Variants in DIP2B observed in about 807,000 individuals in gnomAD.
DIP2B encodes disco-interacting protein 2 homolog B.
A neutral mutation model predicts 198.0 loss-of-function variants in DIP2B; 76 were observed. That is an observed-to-expected ratio of 0.38 (90% confidence interval 0.32 to 0.46). DIP2B has a LOEUF of 0.46. DIP2B is among the 20% of genes least tolerant of loss of function. The pLI, the probability that DIP2B is intolerant of heterozygous loss-of-function variation, is 0.99. For missense variants in DIP2B, 1,559 were observed against 1,978.4 expected (o/e 0.79, Z 4.02); for synonymous variants, 701 against 739.1 (o/e 0.95, Z 0.84).
At chr12:50,577,007 C>T (rs1380586176) in intron 1 of DIP2B, among the ~76,000 whole-genome samples, 2 of 151,622 alleles carry the variant, frequency 1.3e-5, no homozygotes, top group African/African-American at 4.8e-5. Context: ...GGGATTACCA[C>T]GCCTAATTTT....
chr12:50,674,530 T>G lies in DIP2B; in HGVS notation c.697T>G (p.Ser233Ala), dbSNP rs1309685813. The G allele has an allele frequency of 1.2e-6, 2 of 1,614,226 alleles. No homozygotes were observed. Among genetic ancestry groups the G allele is most frequent in the Non-Finnish European group, 1.7e-6 (2 of 1,180,030 alleles). ...AACTACCTCTTCCTCCTCATCATCT[T>G]CCTCAATTCGCCCAGCAAACATTGA... ...TTTTSSSSSS[S>A]SIRPANIDLP... The change falls in exon 6 of 38, where the codon TCC (serine) becomes GCC (alanine). Residue 233 changes from serine (S) to alanine (A), a missense_variant. By Grantham distance (99) the Ser-to-Ala change is moderately conservative. Transcript: ENST00000301180.
At chr12:50,641,394 C>T (rs1938254910) in intron 3 of DIP2B, among the ~76,000 whole-genome samples, 1 of 152,072 alleles carries the variant, frequency 6.6e-6, no homozygotes, top group Non-Finnish European at 1.5e-5. Flanking sequence ...AGGAATGTAA[C>T]AGTTTAAGAA....
chr12:50,654,078 T>C (rs1192683313), intron 3 of DIP2B, among the ~76,000 whole-genome samples: 1 of 152,078 alleles, frequency 6.6e-6, no homozygotes, highest in East Asian at 1.9e-4. Context: ...TTTACCTTGT[T>C]GGCCAGGCTG....
At chr12:50,522,123 G>A (rs904343647) in intron 1 of DIP2B, among the ~76,000 whole-genome samples, 5 of 151,590 alleles carry the variant, frequency 3.3e-5, no homozygotes, top group Admixed American at 6.6e-5. Flanking sequence ...GCCTCAGCCC[G>A]CTGAGTAGCT....
At position 50,746,536 on chromosome 12, in the gene DIP2B, CCCTTCATGTAAT is replaced by C. The variant is rs1429637675; in HGVS notation, c.*1701_*1712del. 1 of 152,178 alleles carries C rather than the reference CCCTTCATGTAAT, an allele frequency of 6.6e-6. No individual in the cohort carries two copies. Among genetic ancestry groups the C allele is most frequent in the African/African-American group, 2.4e-5 (1 of 41,436 alleles). The allele number at this position is 152,178 out of a possible 1,614,324, so 9.4% of individuals were successfully genotyped here. ...TGTGACTAAAAGCCACTTTGTGACT[CCCTTCATGTAAT>C]CCTCTTTTCCTCCCCACTCCTCCAC... On this transcript the variant is annotated 3_prime_UTR_variant, in exon 38 of 38. Transcript: ENST00000301180.
chr12:50,663,693 G>A (rs553604736), intron 4 of DIP2B, among the ~76,000 whole-genome samples: 1 of 151,036 alleles, frequency 6.6e-6, no homozygotes, highest in African/African-American at 2.4e-5. Context: ...AATATAGCGA[G>A]ACCCCATCTC....
At chr12:50,535,972 G>C (rs1287573322) in intron 1 of DIP2B, among the ~76,000 whole-genome samples, 3 of 150,230 alleles carry the variant, frequency 2.0e-5, no homozygotes, top group Non-Finnish European at 4.4e-5. Context: ...TCTTGCGATA[G>C]TTTACTGAGA....
At chr12:50,596,832 A>T (rs1230618216) in intron 1 of DIP2B, among the ~76,000 whole-genome samples, 1 of 152,250 alleles carries the variant, frequency 6.6e-6, no homozygotes, top group Non-Finnish European at 1.5e-5. Flanking sequence ...AATCTTATTT[A>T]CGTGTTTTTA....
At chr12:50,563,430 G>T (rs945404457) in intron 1 of DIP2B, among the ~76,000 whole-genome samples, 1 of 149,574 alleles carries the variant, frequency 6.7e-6, no homozygotes, top group African/African-American at 2.5e-5. Context: ...CAAGCAATCT[G>T]CCTGCCTTGG....
chr12:50,600,263 C>A (rs1468040543), intron 1 of DIP2B, among the ~76,000 whole-genome samples: 1 of 152,202 alleles, frequency 6.6e-6, no homozygotes, highest in Admixed American at 6.5e-5. Flanking sequence ...AAAACCATCC[C>A]TGGCCCCTAC....
chr12:50,540,269 G>A (rs1282713773), intron 1 of DIP2B, among the ~76,000 whole-genome samples: 1 of 148,134 alleles, frequency 6.8e-6, no homozygotes, highest in East Asian at 1.9e-4. Context: ...CACCACACCA[G>A]GCTGATTTTT....
intron 3 of DIP2B, among the ~76,000 whole-genome samples, chr12:50,646,342 G>A (rs1938350376): frequency 6.6e-6 from 1 of 151,534 alleles, no homozygotes. Flanking sequence ...AGGCTGGTCT[G>A]GAGCTCCTGA....
intron 13 of DIP2B, among the ~76,000 whole-genome samples, chr12:50,691,935 T>G (rs1939229357): frequency 6.6e-6 from 1 of 152,022 alleles, no homozygotes; most frequent in African/African-American, 2.4e-5. Context: ...TGTGGTGGCT[T>G]GTGCTTGTAC....
chr12:50,512,994 G>A (rs1022866403), intron 1 of DIP2B, among the ~76,000 whole-genome samples: 4 of 152,144 alleles, frequency 2.6e-5, no homozygotes, highest in Non-Finnish European at 4.4e-5. Flanking sequence ...GCGACAGAGC[G>A]AGACACCATC....
intron 2 of DIP2B, 62 bp from the exon 3 acceptor site, chr12:50,640,662 G>T (rs1938239364): frequency 6.3e-7 from 1 of 1,582,072 alleles, no homozygotes; most frequent in Non-Finnish European, 8.6e-7. Context: ...TGCTTAAAGT[G>T]CTTTAGAAAA....
chr12:50,599,393 A>T (rs922456449), intron 1 of DIP2B, among the ~76,000 whole-genome samples: 2 of 152,104 alleles, frequency 1.3e-5, no homozygotes, highest in Non-Finnish European at 2.9e-5. Context: ...AGGTGGGTGG[A>T]TCTCCTGAGG....
At chr12:50,590,279 G>C (rs1041378529) in intron 1 of DIP2B, among the ~76,000 whole-genome samples, 19 of 151,936 alleles carry the variant, frequency 1.3e-4, no homozygotes, top group African/African-American at 4.6e-4. Flanking sequence ...GATTACACTT[G>C]TGTTTCTGCT....
intron 3 of DIP2B, among the ~76,000 whole-genome samples, chr12:50,651,666 A>C (rs4768903): frequency 9.6e-6 from 1 of 103,636 alleles, no homozygotes; most frequent in African/African-American, 3.4e-5. Context: ...CGGGCTCTCT[A>C]TTGTTCCGTT....
intron 1 of DIP2B, among the ~76,000 whole-genome samples, chr12:50,559,098 A>G (rs1390850609): frequency 6.6e-6 from 1 of 152,156 alleles, no homozygotes; most frequent in Non-Finnish European, 1.5e-5. Context: ...CATACCCAGT[A>G]GCATGTACCA....
Sources: gnomAD v4.1 joint callset for allele counts (sites outside exome capture counted in the v4.1 genomes callset) on GRCh38, gnomAD v4.1.1 for gene constraint, MANE v1.5 for transcripts, NCBI Gene and HGNC (gene_info 2026-07-23, HGNC 2026-07-21) for gene names.